PDE5A: variants seen among roughly 807,000 people sequenced by gnomAD.
PDE5A encodes the protein phosphodiesterase 5A.
In PDE5A, 67 loss-of-function variants were observed where a neutral mutation model predicts 110.2. That is an observed-to-expected ratio of 0.61 (90% CI 0.50 to 0.75). The LOEUF (loss-of-function observed/expected upper bound fraction) is 0.75, where lower values mean the gene tolerates loss of function less well. Among genes scored for constraint, PDE5A ranks in the 30% least tolerant of loss-of-function variants. PDE5A has a pLI of 0.00. For synonymous variants in PDE5A, 328 were observed against 351.2 expected (o/e 0.93, Z 0.74); for missense variants, 862 against 1,045.1 (o/e 0.82, Z 2.42).
Position 119,502,531 on chromosome 4 carries a change from T to TAA in PDE5A, c.2406+48_2406+49dup, listed in dbSNP as rs559354912. ...AGAGCCATAAAAAGGAGTCTACAATTAAAAAAAAAACAATTTGAATAATTC... is the reference window on the plus strand; with the variant it reads ...AGAGCCATAAAAAGGAGTCTACAATTAAAAAAAAAAAACAATTTGAATAATTC... On this transcript the variant is annotated intron_variant, in intron 19 of 20. Transcript: ENST00000354960. 247 of 957,228 alleles carry TAA rather than the reference T, an allele frequency of 2.6e-4. No homozygotes were observed. In the African/African-American group the frequency reaches 3.2e-3, roughly 12 times the overall value. The allele number at this position is 957,228 out of a possible 1,614,324, so 59.3% of individuals were successfully genotyped here. A position where few individuals can be genotyped will look rare whatever the true frequency, so the allele number is the denominator to read the frequency against.
At chr4:119,607,783 C>A (rs1182023173) in intron 1 of PDE5A, among the ~76,000 whole-genome samples, 1 of 151,956 alleles carries the variant, frequency 6.6e-6, no homozygotes, top group Non-Finnish European at 1.5e-5. Context: ...CAATAGAGGA[C>A]AATTGCTTTA....
intron 3 of PDE5A, among the ~76,000 whole-genome samples, chr4:119,595,728 T>C (rs1477692709): frequency 1.3e-5 from 2 of 152,204 alleles, no homozygotes; most frequent in African/African-American, 4.8e-5. Flanking sequence ...GTTTTCCTGT[T>C]CTCCAGCTTG....
intron 10 of PDE5A, among the ~76,000 whole-genome samples, chr4:119,540,495 GTTCCCA>G (rs1726889301): frequency 6.6e-3 from 1 of 152 alleles, no homozygotes; most frequent in African/African-American, 0.02. Context: ...TACAGTGGTG[GTTCCCA>G]AGAAAAGCTA....
intron 6 of PDE5A, among the ~76,000 whole-genome samples, chr4:119,561,647 C>T (rs374706242): frequency 1.2e-4 from 18 of 152,148 alleles, no homozygotes; most frequent in East Asian, 1.2e-3. Context: ...GGAATTCTGA[C>T]CTGAAGTTTA....
rs370244791 is a variant in PDE5A, at chr4:119,607,034, G to A, written c.416C>T (p.Pro139Leu). Residue 139 changes from proline to leucine, a missense_variant, in exon 2 of 21, where the codon CCA becomes CTA. Transcript: ENST00000354960. ...EKKEQMPLTPPRFDHDEGDQC... is the reference protein window; with the variant it reads ...EKKEQMPLTPLRFDHDEGDQC... Reference sequence around the variant, plus strand: ...GTCCCCTTCATCATGATCAAACCTTGGAGGGGTTAGAGGCATCTGTTCCTT... The same window carrying A: ...GTCCCCTTCATCATGATCAAACCTTAGAGGGGTTAGAGGCATCTGTTCCTT... 6 of 1,614,046 alleles carry A rather than the reference G, an allele frequency of 3.7e-6. No individual in the cohort carries two copies. In the African/African-American group the frequency reaches 8.0e-5, roughly 22 times the overall value.
chr4:119,508,537 CAGG>C (rs1436393692), intron 15 of PDE5A, among the ~76,000 whole-genome samples: 1 of 151,930 alleles, frequency 6.6e-6, no homozygotes, highest in Non-Finnish European at 1.5e-5. Flanking sequence ...GTTATGAAGA[CAGG>C]AGAACTTCTG....
chr4:119,614,702 T>C lies in PDE5A; in HGVS notation c.153-7405A>G, dbSNP rs985073052. On this transcript the variant is annotated intron_variant, in intron 1 of 20. Transcript: ENST00000354960. ...CTCTAAAACCATCCCACATAATGTA[T>C]TGCATAGGGACAAAACAAACTGCAA... Among the ~76,000 whole-genome samples the C allele has an allele frequency of 2.6e-5, 4 of 152,188 alleles. No homozygotes were observed. The East Asian group carries it at 5.8e-4, about 22-fold the overall frequency.
chr4:119,529,710 T>C (rs1024049212), intron 11 of PDE5A, among the ~76,000 whole-genome samples: 1 of 152,150 alleles, frequency 6.6e-6, no homozygotes, highest in African/African-American at 2.4e-5. Context: ...GATTTGAAAG[T>C]ACTTAGTTAA....
At position 119,567,170 on chromosome 4, in the gene PDE5A, A is replaced by G. The variant is rs201164165; in HGVS notation, c.832-26T>C. 16 of 1,528,510 alleles carry G rather than the reference A, an allele frequency of 1.0e-5. No homozygotes were observed. The Admixed American group carries it at 2.0e-4, about 20-fold the overall frequency. The allele number at this position is 1,528,510 out of a possible 1,614,324, so 94.7% of individuals were successfully genotyped here. ...CTGGTATAAGGAGAGAAAAGCGACA[A>G]TTTTTTTATTGACTGAAATTACTTG... is the stretch of plus-strand genomic sequence containing the variant. On this transcript the variant is annotated intron_variant, in intron 3 of 20. Coordinates refer to ENST00000354960, the MANE Select transcript of PDE5A (RefSeq NM_001083.4).
At chr4:119,586,644 G>T (rs1299989294) in intron 3 of PDE5A, among the ~76,000 whole-genome samples, 1 of 152,120 alleles carries the variant, frequency 6.6e-6, no homozygotes, top group African/African-American at 2.4e-5. Flanking sequence ...ATTATACAAA[G>T]AAATGTTTTA....
At chr4:119,567,867 C>T (rs188208612) in intron 3 of PDE5A, among the ~76,000 whole-genome samples, 28 of 152,270 alleles carry the variant, frequency 1.8e-4, no homozygotes, top group Admixed American at 3.3e-4. Context: ...ACTTACTCTT[C>T]TCTCCTCTTT....
intron 1 of PDE5A, among the ~76,000 whole-genome samples, chr4:119,612,827 A>T (rs1729803839): frequency 1.3e-5 from 2 of 152,242 alleles, no homozygotes; most frequent in Admixed American, 1.3e-4. Flanking sequence ...GCTATTTGTT[A>T]TAGCAGCCAG....
chr4:119,571,937 T>C (rs926595032), intron 3 of PDE5A, among the ~76,000 whole-genome samples: 1 of 152,250 alleles, frequency 6.6e-6, no homozygotes, highest in African/African-American at 2.4e-5. Flanking sequence ...AGAATTTTAA[T>C]GGTTTCACCC....
In PDE5A at chr4:119,567,068, G is replaced by C; in HGVS notation, c.903+5C>G. 6.2e-7 allele frequency: 1 copy of C among 1,606,860 alleles called. No individual in the cohort carries two copies. The highest frequency in any genetic ancestry group is 8.5e-7 in the Non-Finnish European group (1 of 1,173,658). ...TTGGCTCATGTCTGACACAAGTTTT[G>C]GTACCTTTTCATCTTTTTCAGTAAA... On this transcript the variant is annotated splice_donor_5th_base_variant and intron_variant, in intron 4 of 20. Transcript: ENST00000354960.
At chr4:119,600,108 C>T (rs1006951767) in intron 2 of PDE5A, among the ~76,000 whole-genome samples, 74 of 151,590 alleles carry the variant, frequency 4.9e-4, no homozygotes, top group African/African-American at 1.6e-3. Context: ...ATAAGAAGTG[C>T]GAAAGGAAAT....
At chr4:119,582,840 G>A (rs1367487077) in intron 3 of PDE5A, among the ~76,000 whole-genome samples, 2 of 152,188 alleles carry the variant, frequency 1.3e-5, no homozygotes, top group Non-Finnish European at 2.9e-5. Flanking sequence ...GGTCTCAATA[G>A]TAGGCTTAAA....
intron 3 of PDE5A, among the ~76,000 whole-genome samples, chr4:119,570,321 CTAAGTA>C (rs762562250): frequency 5.6e-4 from 85 of 152,256 alleles, no homozygotes; most frequent in Non-Finnish European, 9.3e-4. Context: ...AGCTTTTACT[CTAAGTA>C]TATCTCAGAC....
intron 3 of PDE5A, among the ~76,000 whole-genome samples, chr4:119,577,692 T>C (rs1488025257): frequency 2.6e-5 from 4 of 152,158 alleles, no homozygotes; most frequent in Non-Finnish European, 5.9e-5. Context: ...TATCTCAAAA[T>C]AATAAGAGCT....
intron 1 of PDE5A, among the ~76,000 whole-genome samples, chr4:119,616,220 T>C (rs948762404): frequency 2.0e-5 from 3 of 152,316 alleles, no homozygotes; most frequent in Admixed American, 6.5e-5. Flanking sequence ...AATGTCGATA[T>C]AACCTGTTAT....
Sources: gnomAD v4.1 joint callset for allele counts (sites outside exome capture counted in the v4.1 genomes callset) on GRCh38, gnomAD v4.1.1 for gene constraint, MANE v1.5 for transcripts, NCBI Gene and HGNC (gene_info 2026-07-23, HGNC 2026-07-21) for gene names.